FER1L5: variants seen among roughly 807,000 people sequenced by gnomAD.
FER1L5 encodes the protein fer-1-like protein 5.
FER1L5 carries 187 observed loss-of-function variants against 279.9 expected under a neutral mutation model. The ratio of observed to expected loss-of-function variants is 0.67; its 90% confidence interval spans 0.59 to 0.75. The LOEUF is 0.75. Ranked by LOEUF, FER1L5 falls within the 30% of genes least tolerant of loss-of-function variation. The probability of loss-of-function intolerance (pLI) is 0.00; values close to 1 mark genes in which losing one functional copy is unlikely to be tolerated. For synonymous variants in FER1L5, 921 were observed against 989.7 expected, an observed-to-expected ratio of 0.93 and a Z score of 1.30; for missense variants, 2,091 against 2,594.4, an observed-to-expected ratio of 0.81 and a Z score of 4.21.
intron 14 of FER1L5, among the ~76,000 whole-genome samples, 168 bp from the exon 15 acceptor site, chr2:96,668,583 C>T (rs552842891): frequency 6.6e-6 from 1 of 152,254 alleles, no homozygotes; most frequent in Admixed American, 6.5e-5. Flanking sequence ...AAAGCCAAAG[C>T]TCGATTCGCT....
chr2:96,648,163 G>A (rs1358804187), intron 4 of FER1L5, among the ~76,000 whole-genome samples: 1 of 152,228 alleles, frequency 6.6e-6, no homozygotes, highest in African/African-American at 2.4e-5. Context: ...CACTCACAGT[G>A]ACAGGCGCTC....
chr2:96,652,969 C>T (rs1308720844), intron 7 of FER1L5: 1 of 152,434 alleles, frequency 6.6e-6, no homozygotes, highest in Non-Finnish European at 1.5e-5. Context: ...AATTCCAGAA[C>T]TTTGGGAGAC....
intron 6 of FER1L5, 38 bp from the exon 7 acceptor site, chr2:96,651,854 G>A: frequency 6.4e-7 from 1 of 1,551,466 alleles, no homozygotes; most frequent in South Asian, 1.2e-5. Context: ...AGCTACAGAA[G>A]GCCCTCAATA....
At chr2:96,648,840 T>A (rs182344805) in intron 4 of FER1L5, among the ~76,000 whole-genome samples, 38 of 152,356 alleles carry the variant, frequency 2.5e-4, no homozygotes, top group African/African-American at 8.7e-4. Flanking sequence ...GGACACACAA[T>A]ATTGTTGACT....
At chr2:96,688,916 C>T in intron 24 of FER1L5, 1 of 320,374 alleles carries the variant, frequency 3.1e-6, no homozygotes, top group Admixed American at 5.0e-5. Context: ...TGCTCCCTCC[C>T]CTTCACCCCA....
Position 96,685,317 on chromosome 2 carries a change from C to T in FER1L5, c.1795-12C>T, listed in dbSNP as rs1177620930. 1 of 1,551,022 alleles carries T rather than the reference C, an allele frequency of 6.4e-7. No individual in the cohort carries two copies. The highest frequency in any genetic ancestry group is 1.2e-5 in the South Asian group (1 of 84,034). On this transcript the variant is annotated splice_polypyrimidine_tract_variant and intron_variant, in intron 20 of 52. Transcript: ENST00000624922. ...AGGCGGGCTCTCTCACCATTTCTCT[C>T]CTGCTGGGCAGAAAGCCAACCTGGA...
chr2:96,687,729 G>C lies in FER1L5; in HGVS notation c.2230-87G>C, dbSNP rs2076983293. On this transcript the variant is annotated intron_variant, in intron 23 of 52. Transcript: ENST00000624922. Reference sequence around the variant, plus strand: ...CCCGCTCCCAGGGCTCAGGGGGGAAGGGGCAGGTACAGCCCACTTGGGGGG... The same window carrying C: ...CCCGCTCCCAGGGCTCAGGGGGGAACGGGCAGGTACAGCCCACTTGGGGGG... The C allele has an allele frequency of 5.9e-6, 9 of 1,515,366 alleles. No homozygotes were observed. In the South Asian group the frequency reaches 1.1e-4, roughly 19 times the overall value. 93.9% of individuals were successfully genotyped at this position (1,515,366 alleles called of 1,614,324 possible). A position where few individuals can be genotyped will look rare whatever the true frequency, so the allele number is the denominator to read the frequency against.
intron 2 of FER1L5, 104 bp from the exon 3 acceptor site, chr2:96,646,960 G>C: frequency 8.3e-7 from 1 of 1,206,758 alleles, no homozygotes; most frequent in Non-Finnish European, 1.2e-6. Context: ...CTCAGTCTTA[G>C]AGAAATGCAG....
chr2:96,668,753 A>G lies in FER1L5; in HGVS notation c.1143A>G (p.Leu381=), dbSNP rs773252487. Residue 381 remains leucine (L), a splice_region_variant and synonymous_variant, in exon 15 of 53, where the codon CTA becomes CTG. Transcript: ENST00000624922. ...WNQILTFRIQ[L]PCLSSYIKFR... ...CACCTCTCTCCTTCCCTCCACAGCT[A>G]CCCTGCCTCTCCAGCTACATCAAGT... 1 of 1,550,666 alleles carries G rather than the reference A, an allele frequency of 6.4e-7. No homozygotes were observed.
rs1269335095 is a variant in FER1L5, at chr2:96,703,083, G to T, written c.5497+6G>T. 13 of 1,613,728 alleles carry T rather than the reference G, an allele frequency of 8.1e-6. No homozygotes were observed. The highest frequency in any genetic ancestry group is 1.0e-5 in the Non-Finnish European group (12 of 1,179,786). On this transcript the variant is annotated splice_donor_region_variant and intron_variant, in intron 49 of 52. Transcript: ENST00000624922. Reference sequence around the variant, plus strand: ...CTCCCCCGACGACTTCCTAGGTGAGGTCCTGACACAGGGCTTGTGACCACA... The same window carrying T: ...CTCCCCCGACGACTTCCTAGGTGAGTTCCTGACACAGGGCTTGTGACCACA...
Position 96,695,765 on chromosome 2 carries a change from T to C in FER1L5, c.3918T>C (p.Tyr1306=), listed in dbSNP as rs900272170. Residue 1306 remains tyrosine (Y), a synonymous_variant, in exon 36 of 53, where the codon TAT becomes TAC. Transcript: ENST00000624922. ...LTVLMPTEEA[Y]ALPLVVKVVD... ...AGCTCATGCCGACGGAGGAGGCCTA[T>C]GCACTGCCCCTCGTGGTGAAGGTGG... 1.6e-5 allele frequency: 26 copies of C among 1,612,734 alleles called. No individual in the cohort carries two copies. Among genetic ancestry groups the C allele is most frequent in the Non-Finnish European group, 2.0e-5 (24 of 1,179,466 alleles).
chr2:96,685,358 G>T lies in FER1L5; in HGVS notation c.1824G>T (p.Thr608=). 6.4e-7 allele frequency: 1 copy of T among 1,551,232 alleles called. No individual in the cohort carries two copies. Among genetic ancestry groups the T allele is most frequent in the East Asian group, 2.4e-5 (1 of 40,894 alleles). The change falls in exon 21 of 53, where the codon ACG becomes ACT. Residue 608 remains threonine (T), a synonymous_variant. Transcript: ENST00000624922. Reference sequence around the variant, plus strand: ...CCAACCTGGACACCCTGAAATCCACGCGGAATCCGAAGGATCCAGCTCTCC... The same window carrying T: ...CCAACCTGGACACCCTGAAATCCACTCGGAATCCGAAGGATCCAGCTCTCC... ...LKANLDTLKS[T]RNPKDPALLY... is the part of the protein sequence containing the mutation.
chr2:96,651,255 CTTTCTT>C lies in FER1L5; in HGVS notation c.505-635_505-630del, dbSNP rs2075358047. Among the ~76,000 whole-genome samples the C allele has an allele frequency of 1.1e-4, 15 of 140,552 alleles. No homozygotes were observed. In the South Asian group the frequency reaches 3.1e-3, roughly 29 times the overall value. The allele number at this position is 140,552 out of a possible 152,430, so 92.2% of individuals were successfully genotyped here. A position where few individuals can be genotyped will look rare whatever the true frequency, so the allele number is the denominator to read the frequency against. On this transcript the variant is annotated intron_variant, in intron 6 of 52. Coordinates refer to ENST00000624922, the MANE Select transcript of FER1L5 (RefSeq NM_001293083.2). ...TTTCTTTCTCTTTCTTTCTTTCTTTCTTTCTTTCTTTCTTTCTTTCTTTCTTTCTTT... is the reference window on the plus strand; with the variant it reads ...TTTCTTTCTCTTTCTTTCTTTCTTTCTCTTTCTTTCTTTCTTTCTTTCTTT...
chr2:96,652,318 G>A (rs2075415849), intron 7 of FER1L5: 1 of 385,834 alleles, frequency 2.6e-6, no homozygotes, highest in Non-Finnish European at 4.9e-6. Flanking sequence ...TCGAAGCACA[G>A]ACCCAGACCA....
intron 14 of FER1L5, among the ~76,000 whole-genome samples, chr2:96,666,150 T>A (rs2076118877): frequency 6.7e-6 from 1 of 150,154 alleles, no homozygotes; most frequent in Non-Finnish European, 1.5e-5. Context: ...GGCCAGGTGG[T>A]CAGAAGGGGA....
chr2:96,659,400 T>TCCTTCCTTCCTTCCTTCCTTCCTTCCTTC (rs2075807000), intron 9 of FER1L5, among the ~76,000 whole-genome samples: 1 of 6,324 alleles, frequency 1.6e-4, no homozygotes, highest in Non-Finnish European at 2.4e-4. Context: ...TTTCTTTCTT[T>TCCTTCCTTCCTTCCTTCCTTCCTTCCTTC]CTTTCTTTCT....
chr2:96,686,785 G>A (rs1012764116), intron 23 of FER1L5, among the ~76,000 whole-genome samples: 4 of 149,644 alleles, frequency 2.7e-5, no homozygotes, highest in Non-Finnish European at 5.9e-5. Flanking sequence ...TTGAACCTGG[G>A]AGACGGAGGT....
In FER1L5 at chr2:96,647,049, C is replaced by G; in HGVS notation, c.139-15C>G. ...GGGCAGAGGGAGGATGCTGACCTCT[C>G]TATGCCCCCCACAGACCCTAATCTG... On this transcript the variant is annotated splice_polypyrimidine_tract_variant and intron_variant, in intron 2 of 52. Coordinates refer to ENST00000624922, the MANE Select transcript of FER1L5 (RefSeq NM_001293083.2). The G allele has an allele frequency of 6.4e-7, 1 of 1,551,278 alleles. No homozygotes were observed. Among genetic ancestry groups the G allele is most frequent in the Non-Finnish European group, 8.7e-7 (1 of 1,146,712 alleles).
chr2:96,702,612 G>T lies in FER1L5; in HGVS notation c.5268G>T (p.Gly1756=), dbSNP rs1179219217. 1.3e-6 allele frequency: 2 copies of T among 1,577,358 alleles called. No individual in the cohort carries two copies. The highest frequency in any genetic ancestry group is 1.7e-6 in the Non-Finnish European group (2 of 1,161,858). ...ACTCTGGCCCCAGGTGGTTATACGG[G>T]CTGGAGAAGGACATGCAGAAGACAG... ...SDIYIKGWLY[G]LEKDMQKTDI... Residue 1756 remains glycine (G), a synonymous_variant, in exon 48 of 53, where the codon GGG becomes GGT. Coordinates refer to ENST00000624922, the MANE Select transcript of FER1L5 (RefSeq NM_001293083.2). This position sits in a 1 kb window ranked among gnomAD's most constrained non-coding sequence, Gnocchi z 4.0.
Sources: allele counts gnomAD v4.1 joint callset (sites outside exome capture counted in the v4.1 genomes callset), GRCh38; gene constraint gnomAD v4.1.1; non-coding constraint Gnocchi (gnomAD v3.1); transcripts MANE v1.5; gene names NCBI Gene and HGNC (gene_info 2026-07-23, HGNC 2026-07-21).